The following PAK5 variants were observed in gnomAD, a reference collection of about 807,000 sequenced individuals.
The protein encoded by PAK5 is p21 (RAC1) activated kinase 5, also known as serine/threonine-protein kinase PAK 5.
Under a neutral mutation model 65.9 loss-of-function variants are expected in PAK5, and 16 were observed. That is an observed-to-expected ratio of 0.24 (90% CI 0.16 to 0.37). The LOEUF (loss-of-function observed/expected upper bound fraction) is 0.37. Among genes scored for constraint, PAK5 ranks in the 10% least tolerant of loss-of-function variants. The pLI, the probability that PAK5 is intolerant of heterozygous loss-of-function variation, is 1.00. For missense variants in PAK5, 785 were observed against 903.9 expected (o/e 0.87, Z 1.69); for synonymous variants, 371 against 354.9 (o/e 1.05, Z -0.51).
At chr20:9,680,062 G>A (rs183362816) in intron 2 of PAK5, among the ~76,000 whole-genome samples, 40 of 152,242 alleles carry the variant, frequency 2.6e-4, no homozygotes, top group Admixed American at 6.5e-4. Context: ...TATGTGATCC[G>A]TTCAGGCAGC....
chr20:9,773,422 T>C (rs929188981), intron 1 of PAK5, among the ~76,000 whole-genome samples: 2 of 152,024 alleles, frequency 1.3e-5, no homozygotes, highest in Admixed American at 6.6e-5. Flanking sequence ...TGGTGTGTGA[T>C]GTTCCCCTTC....
chr20:9,555,251 CTATT>C lies in PAK5; in HGVS notation c.1743+2353_1743+2356del, dbSNP rs575166701. ...AGGACTAAAAGCATCTACAATGTGT[CTATT>C]TATGTGAGCTCTTTACAGGGTGCAC... On this transcript the variant is annotated intron_variant, in intron 7 of 9. Coordinates refer to ENST00000353224, the MANE Select transcript of PAK5 (RefSeq NM_177990.4). Among the ~76,000 whole-genome samples, 24 of 152,220 alleles carry C rather than the reference CTATT, an allele frequency of 1.6e-4. No individual in the cohort carries two copies. The South Asian group carries it at 4.1e-3, about 26-fold the overall frequency.
In PAK5 at chr20:9,537,979, G is replaced by C. The variant is rs528489513; in HGVS notation, c.*1483C>G. On this transcript the variant is annotated 3_prime_UTR_variant, in exon 10 of 10. Transcript: ENST00000353224. ...CTATCACAAATTTAAATTCATATTT[G>C]TTACAGTATGTGAAATAGTTAAGAA... is the stretch of plus-strand genomic sequence containing the variant. 4.3e-6 allele frequency: 1 copy of C among 231,674 alleles called. No homozygotes were observed. The highest frequency in any genetic ancestry group is 1.8e-4 in the South Asian group (1 of 5,516). 14.4% of individuals were successfully genotyped at this position (231,674 alleles called of 1,614,324 possible). A position where few individuals can be genotyped will look rare whatever the true frequency, so the allele number is the denominator to read the frequency against.
intron 2 of PAK5, among the ~76,000 whole-genome samples, chr20:9,702,137 A>G (rs1300408012): frequency 6.6e-6 from 1 of 152,194 alleles, no homozygotes; most frequent in Non-Finnish European, 1.5e-5. Context: ...GAATTAAACT[A>G]ATGAAAATGA....
chr20:9,550,043 G>A (rs1260789704), intron 7 of PAK5, among the ~76,000 whole-genome samples: 1 of 152,088 alleles, frequency 6.6e-6, no homozygotes, highest in Non-Finnish European at 1.5e-5. Context: ...CTCAGATACT[G>A]TTTCGTTTTA....
chr20:9,550,394 G>T (rs1405162736), intron 7 of PAK5, among the ~76,000 whole-genome samples: 1 of 152,116 alleles, frequency 6.6e-6, no homozygotes, highest in East Asian at 1.9e-4. Flanking sequence ...AAGCAAGGCA[G>T]GGAGGAGAAA....
intron 1 of PAK5, among the ~76,000 whole-genome samples, chr20:9,718,132 T>C (rs2048171618): frequency 6.6e-6 from 1 of 152,056 alleles, no homozygotes; most frequent in Non-Finnish European, 1.5e-5. Context: ...TAATGAGCCT[T>C]CTTCTGTTTT....
chr20:9,783,717 A>G (rs1401730545), intron 1 of PAK5, among the ~76,000 whole-genome samples: 2 of 152,172 alleles, frequency 1.3e-5, no homozygotes, highest in African/African-American at 2.4e-5. Flanking sequence ...GTTTAATTCT[A>G]TGATCCCATT....
intron 1 of PAK5, among the ~76,000 whole-genome samples, chr20:9,756,813 C>T (rs569953552): frequency 2.0e-5 from 3 of 152,238 alleles, no homozygotes; most frequent in East Asian, 1.9e-4. Context: ...CAGCAAAGGC[C>T]GGTTACTGCA....
At chr20:9,558,319 C>T (rs2045542417) in intron 6 of PAK5, among the ~76,000 whole-genome samples, 1 of 151,848 alleles carries the variant, frequency 6.6e-6, no homozygotes, top group Non-Finnish European at 1.5e-5. Context: ...ACCATATTGG[C>T]CAGCCTGGTC....
At chr20:9,627,689 C>T (rs905865302) in intron 3 of PAK5, among the ~76,000 whole-genome samples, 4 of 151,952 alleles carry the variant, frequency 2.6e-5, no homozygotes, top group Admixed American at 2.0e-4. Flanking sequence ...TGCAGTGGCA[C>T]GATCTCTGCT....
intron 2 of PAK5, among the ~76,000 whole-genome samples, chr20:9,708,265 C>T (rs2048033247): frequency 6.6e-6 from 1 of 152,128 alleles, no homozygotes; most frequent in African/African-American, 2.4e-5. Context: ...GGGTTTGAAT[C>T]TCAACTGTAT....
intron 1 of PAK5, among the ~76,000 whole-genome samples, chr20:9,798,384 G>A (rs776635705): frequency 6.6e-6 from 1 of 152,110 alleles, no homozygotes; most frequent in East Asian, 1.9e-4. Flanking sequence ...TGAATGTAGA[G>A]GTTAGACTGT....
intron 1 of PAK5, among the ~76,000 whole-genome samples, chr20:9,771,411 A>AT (rs1209202812): frequency 1.4e-4 from 21 of 145,626 alleles, no homozygotes; most frequent in South Asian, 4.2e-4. Flanking sequence ...ATTTAAAAAA[A>AT]TTTTTTTTTT....
intron 3 of PAK5, among the ~76,000 whole-genome samples, chr20:9,585,547 G>C (rs890479740): frequency 2.6e-5 from 4 of 152,190 alleles, no homozygotes; most frequent in Non-Finnish European, 5.9e-5. Flanking sequence ...TCAGAAATTA[G>C]TTGCTGAATG....
At chr20:9,812,830 G>A (rs183857246) in intron 1 of PAK5, among the ~76,000 whole-genome samples, 2 of 152,140 alleles carry the variant, frequency 1.3e-5, no homozygotes, top group East Asian at 1.9e-4. Flanking sequence ...TGTTCCTAAT[G>A]TAAAGAAATA....
chr20:9,703,505 T>C (rs972642405), intron 2 of PAK5, among the ~76,000 whole-genome samples: 1 of 152,014 alleles, frequency 6.6e-6, no homozygotes, highest in Non-Finnish European at 1.5e-5. Context: ...GTGTTTTGGG[T>C]TAAAAGGTTG....
At chr20:9,806,859 T>A (rs900238570) in intron 1 of PAK5, among the ~76,000 whole-genome samples, 7 of 152,184 alleles carry the variant, frequency 4.6e-5, no homozygotes, top group Admixed American at 4.6e-4. Flanking sequence ...GTTCTGGATG[T>A]CAGAAGTACA....
In PAK5 at chr20:9,807,134, C is replaced by A. The variant is rs1036437336; in HGVS notation, c.-162+31628G>T. Among the ~76,000 whole-genome samples the A allele has an allele frequency of 2.6e-5, 4 of 152,142 alleles. No individual in the cohort carries two copies. The East Asian group carries it at 7.7e-4, about 29-fold the overall frequency. Reference sequence around the variant, plus strand: ...GCCTACTCAGTTAATATAAGATAATCTCCGCATCTCAAGATCCTTAACTTA... The same window carrying A: ...GCCTACTCAGTTAATATAAGATAATATCCGCATCTCAAGATCCTTAACTTA... On this transcript the variant is annotated intron_variant, in intron 1 of 9. Transcript: ENST00000353224.
Sources: gnomAD v4.1 joint callset for allele counts (sites outside exome capture counted in the v4.1 genomes callset) on GRCh38, gnomAD v4.1.1 for gene constraint, MANE v1.5 for transcripts, NCBI Gene and HGNC (gene_info 2026-07-23, HGNC 2026-07-21) for gene names.